HBP1: variants seen among roughly 807,000 people sequenced by gnomAD.
HBP1 encodes the protein HMG-box transcription factor 1.
A neutral mutation model predicts 62.6 loss-of-function variants in HBP1; 20 were observed. That is an observed-to-expected ratio of 0.32 (90% confidence interval 0.22 to 0.46). The LOEUF (loss-of-function observed/expected upper bound fraction) is 0.46. Among genes scored for constraint, HBP1 ranks in the 20% least tolerant of loss-of-function variants. The probability of loss-of-function intolerance (pLI) is 1.00; values close to 1 mark genes in which losing one functional copy is unlikely to be tolerated. For missense variants in HBP1, 480 were observed against 611.8 expected, an observed-to-expected ratio of 0.78 and a Z score of 2.27; for synonymous variants, 232 against 206.2, an observed-to-expected ratio of 1.12 and a Z score of -1.07.
chr7:107,178,774 T>A (rs1256350165), intron 1 of HBP1, among the ~76,000 whole-genome samples: 1 of 152,262 alleles, frequency 6.6e-6, no homozygotes, highest in Non-Finnish European at 1.5e-5. Context: ...GGCTCATGCC[T>A]GTAATCCCAG....
intron 3 of HBP1, among the ~76,000 whole-genome samples, 165 bp downstream of exon 3, chr7:107,182,766 C>T (rs1797171137): frequency 6.6e-6 from 1 of 152,012 alleles, no homozygotes; most frequent in South Asian, 2.1e-4. Context: ...CACTCACTAC[C>T]ATGATTTCAT....
intron 8 of HBP1, 140 bp from the exon 9 acceptor site, chr7:107,195,690 TGTTA>T (rs1797864981): frequency 4.7e-6 from 2 of 428,062 alleles, no homozygotes; most frequent in Non-Finnish European, 4.0e-6. Context: ...TGGCAAAAGT[TGTTA>T]GTGTTGGTAA....
In HBP1 at chr7:107,185,809, C is replaced by A; in HGVS notation, c.407C>A (p.Pro136His). The change falls in exon 4 of 11, where the codon CCT (proline) becomes CAT (histidine). Residue 136 changes from proline to histidine, a missense_variant. Pro to His is a moderately conservative substitution (Grantham distance 77). Coordinates refer to ENST00000222574, the MANE Select transcript of HBP1 (RefSeq NM_012257.4). ...MQCSFYNRSS[P>H]VHIIATSKSL... Reference sequence around the variant, plus strand: ...CTGTTGCTTTATTTTAGATCATCTCCTGTACACATCATAGCCACTAGCAAA... The same window carrying A: ...CTGTTGCTTTATTTTAGATCATCTCATGTACACATCATAGCCACTAGCAAA... The A allele has an allele frequency of 1.9e-6, 3 of 1,613,466 alleles. No homozygotes were observed. The highest frequency in any genetic ancestry group is 2.5e-6 in the Non-Finnish European group (3 of 1,179,440).
At chr7:107,174,436 A>C in intron 1 of HBP1, 1 of 981,244 alleles carries the variant, frequency 1.0e-6, no homozygotes, top group Non-Finnish European at 1.2e-6. Context: ...TCTTTTTCCA[A>C]CTTCATTTAA....
intron 3 of HBP1, 65 bp from the exon 4 acceptor site, chr7:107,185,736 T>G (rs1042041483): frequency 4.6e-5 from 60 of 1,311,522 alleles, no homozygotes; most frequent in Non-Finnish European, 5.9e-5. Flanking sequence ...TGAAGTTCTT[T>G]CATTAATAGG....
intron 9 of HBP1, among the ~76,000 whole-genome samples, chr7:107,197,689 A>C (rs868005468): frequency 5.3e-5 from 8 of 152,278 alleles, no homozygotes; most frequent in Middle Eastern, 3.4e-3. Flanking sequence ...TTTTAATACT[A>C]TTGAAATGTT....
At chr7:107,187,258 T>A (rs893631515) in intron 6 of HBP1, among the ~76,000 whole-genome samples, 1 of 151,606 alleles carries the variant, frequency 6.6e-6, no homozygotes, top group African/African-American at 2.4e-5. Flanking sequence ...TCTCAAAAAA[T>A]ATATATATAT....
chr7:107,171,087 T>TTTTTTTTTTTTTG (rs1796568117), intron 1 of HBP1, among the ~76,000 whole-genome samples: 1 of 133,806 alleles, frequency 7.5e-6, no homozygotes, highest in African/African-American at 3.0e-5. Context: ...TTTTTTTTTT[T>TTTTTTTTTTTTTG]TGAGAGGGAG....
chr7:107,182,582 C>G lies in HBP1; in HGVS notation c.379C>G (p.Gln127Glu), dbSNP rs750160036. 110 of 1,581,156 alleles carry G rather than the reference C, an allele frequency of 7.0e-5. 1 individual carries two copies. The Admixed American group carries it at 1.7e-3, about 25-fold the overall frequency. The change falls in exon 3 of 11, where the codon CAG (glutamine) becomes GAG (glutamate). Residue 127 changes from glutamine to glutamate, a missense_variant. Gln to Glu is a conservative substitution (Grantham distance 29, BLOSUM62 2). Coordinates refer to ENST00000222574, the MANE Select transcript of HBP1 (RefSeq NM_012257.4). ...GACCAGTCCACAAAGTCCACTGATGCAGTGCTCATTTTACAATAGGTAGGA... is the reference window on the plus strand; with the variant it reads ...GACCAGTCCACAAAGTCCACTGATGGAGTGCTCATTTTACAATAGGTAGGA... ...IATSPQSPLM[Q>E]CSFYNRSSPV...
chr7:107,181,043 A>G (rs186611322), intron 2 of HBP1, among the ~76,000 whole-genome samples: 242 of 152,352 alleles, frequency 1.6e-3, no homozygotes, highest in African/African-American at 5.5e-3. Context: ...AGTGAGGGAA[A>G]GGAAATAGCT....
chr7:107,176,170 C>T (rs993789958), intron 1 of HBP1, among the ~76,000 whole-genome samples: 4 of 151,824 alleles, frequency 2.6e-5, no homozygotes, highest in Admixed American at 6.6e-5. Context: ...GGATTACAGG[C>T]GCGTGCCACC....
At chr7:107,188,611 T>G (rs1451977652) in intron 6 of HBP1, among the ~76,000 whole-genome samples, 1 of 152,228 alleles carries the variant, frequency 6.6e-6, no homozygotes, top group African/African-American at 2.4e-5. Context: ...TGTTAAATGC[T>G]CAATATTCAT....
At chr7:107,177,522 G>T (rs987342471) in intron 1 of HBP1, among the ~76,000 whole-genome samples, 2 of 152,178 alleles carry the variant, frequency 1.3e-5, no homozygotes, top group Non-Finnish European at 2.9e-5. Flanking sequence ...TCAGATGTAA[G>T]CAAATACTTT....
intron 1 of HBP1, among the ~76,000 whole-genome samples, chr7:107,177,998 C>T (rs1796941257): frequency 6.6e-6 from 1 of 152,094 alleles, no homozygotes; most frequent in Non-Finnish European, 1.5e-5. Flanking sequence ...AACATCATGA[C>T]TTAGAAAGCT....
chr7:107,186,307 T>G lies in HBP1; in HGVS notation c.541-54T>G, dbSNP rs867506293. On this transcript the variant is annotated intron_variant, in intron 4 of 10. Coordinates refer to ENST00000222574, the MANE Select transcript of HBP1 (RefSeq NM_012257.4). ...AAAGACGTGGGATGAAAACAGATAT[T>G]AAAAGGTATATTTTAAAAACAAATA... 30 of 1,061,754 alleles carry G rather than the reference T, an allele frequency of 2.8e-5. No individual in the cohort carries two copies. In the African/African-American group the frequency reaches 3.2e-4, roughly 11 times the overall value. 65.8% of individuals were successfully genotyped at this position (1,061,754 alleles called of 1,614,324 possible).
intron 1 of HBP1, chr7:107,174,739 A>G (rs1374433947): frequency 3.1e-6 from 3 of 979,836 alleles, no homozygotes; most frequent in Non-Finnish European, 3.6e-6. Flanking sequence ...TAAATTTCAT[A>G]ATAAAGGTAA....
chr7:107,189,008 T>G (rs947640844), intron 6 of HBP1, among the ~76,000 whole-genome samples: 2 of 152,228 alleles, frequency 1.3e-5, no homozygotes, highest in African/African-American at 4.8e-5. Flanking sequence ...CTTTTAAATC[T>G]CAGTTCCAGT....
intron 1 of HBP1, among the ~76,000 whole-genome samples, chr7:107,177,946 TAGAA>T (rs1796938909): frequency 6.6e-6 from 1 of 152,214 alleles, no homozygotes; most frequent in Non-Finnish European, 1.5e-5. Context: ...AAAGTCTTCG[TAGAA>T]AGAAATTTAT....
At chr7:107,186,951 G>T (rs1189019342) in intron 6 of HBP1, among the ~76,000 whole-genome samples, 1 of 152,034 alleles carries the variant, frequency 6.6e-6, no homozygotes, top group Non-Finnish European at 1.5e-5. Context: ...GGGAAAACTG[G>T]TATTAAAAAT....
Sources: gnomAD v4.1 joint callset for allele counts (sites outside exome capture counted in the v4.1 genomes callset) on GRCh38, gnomAD v4.1.1 for gene constraint, MANE v1.5 for transcripts, NCBI Gene and HGNC (gene_info 2026-07-23, HGNC 2026-07-21) for gene names.